The following RNGTT variants were observed in gnomAD, a reference collection of about 807,000 sequenced individuals.
RNGTT encodes RNA guanylyltransferase and 5'-phosphatase.
In RNGTT, 33 loss-of-function variants were observed where a neutral mutation model predicts 79.3. That is an observed-to-expected ratio of 0.42 (90% CI 0.32 to 0.56). The LOEUF (loss-of-function observed/expected upper bound fraction) is 0.56, where lower values mean the gene tolerates loss of function less well. Among genes scored for constraint, RNGTT ranks in the 20% least tolerant of loss-of-function variants. RNGTT has a pLI of 0.17. For missense variants in RNGTT, 497 were observed against 739.1 expected (o/e 0.67, Z 3.80); for synonymous variants, 222 against 235.9 (o/e 0.94, Z 0.54).
rs181108824 is a variant in RNGTT, at chr6:88,711,309, G to A, written c.1440-32890C>T. ...ACACCTTACCAAGAATTAGATACTA[G>A]TGAAGAGCTTAGTTCCAATCTTGAC... On this transcript the variant is annotated intron_variant, in intron 13 of 15. Coordinates refer to ENST00000369485, the MANE Select transcript of RNGTT (RefSeq NM_003800.5). 2.0e-3 allele frequency among the ~76,000 whole-genome samples: 309 copies of A among 152,256 alleles called. 1 individual carries two copies. Among genetic ancestry groups the A allele is most frequent in the African/African-American group, 7.3e-3 (302 of 41,554 alleles).
Position 88,612,574 on chromosome 6 carries a change from C to T in RNGTT, c.*145G>A, listed in dbSNP as rs553304199. 22 of 864,556 alleles carry T rather than the reference C, an allele frequency of 2.5e-5. No homozygotes were observed. The highest frequency in any genetic ancestry group is 1.7e-4 in the African/African-American group (10 of 58,928). 53.6% of individuals were successfully genotyped at this position (864,556 alleles called of 1,614,324 possible). ...GCATCAAGTATTTACAGGCTGGCTA[C>T]GATAACTTTCTTTTTTTAAAAAAAA... is the stretch of plus-strand genomic sequence containing the variant. On this transcript the variant is annotated 3_prime_UTR_variant, in exon 16 of 16. Transcript: ENST00000369485.
intron 12 of RNGTT, among the ~76,000 whole-genome samples, chr6:88,799,577 G>T (rs1050140634): frequency 1.3e-5 from 2 of 151,694 alleles, no homozygotes; most frequent in South Asian, 2.1e-4. Flanking sequence ...GTGCGCACCT[G>T]CAATCCCAGC....
intron 13 of RNGTT, among the ~76,000 whole-genome samples, chr6:88,722,362 A>T (rs1274879629): frequency 6.6e-6 from 1 of 152,118 alleles, no homozygotes. Context: ...CCACTCTAAA[A>T]CAAGAAAAAA....
At chr6:88,933,736 AATG>A (rs1784578747) in intron 2 of RNGTT, among the ~76,000 whole-genome samples, 1 of 151,868 alleles carries the variant, frequency 6.6e-6, no homozygotes, top group African/African-American at 2.4e-5. Context: ...TGTGCTGCAA[AATG>A]ATGATTTCAT....
At chr6:88,709,779 C>T (rs1776259707) in intron 13 of RNGTT, among the ~76,000 whole-genome samples, 1 of 152,178 alleles carries the variant, frequency 6.6e-6, no homozygotes, top group African/African-American at 2.4e-5. Context: ...TCAACAGCTA[C>T]ACATCATTAG....
intron 12 of RNGTT, among the ~76,000 whole-genome samples, chr6:88,780,280 G>A (rs972526108): frequency 2.0e-5 from 3 of 152,074 alleles, no homozygotes; most frequent in Non-Finnish European, 4.4e-5. Context: ...TGAAATATCT[G>A]AGATTATGAA....
chr6:88,899,285 C>G (rs189606555), intron 6 of RNGTT, among the ~76,000 whole-genome samples: 68 of 150,080 alleles, frequency 4.5e-4, no homozygotes, highest in African/African-American at 1.6e-3. Flanking sequence ...TTTTTTGAGA[C>G]AGCCTATCAC....
intron 14 of RNGTT, among the ~76,000 whole-genome samples, chr6:88,623,246 A>G (rs143350576): frequency 2.0e-3 from 310 of 152,270 alleles, no homozygotes; most frequent in Non-Finnish European, 3.3e-3. Flanking sequence ...TACAAAGGCA[A>G]TGCAATGGAA....
intron 11 of RNGTT, among the ~76,000 whole-genome samples, chr6:88,815,974 A>G (rs1244373230): frequency 6.6e-6 from 1 of 152,236 alleles, no homozygotes; most frequent in East Asian, 1.9e-4. Context: ...CTTTGTATCA[A>G]TTTTAAGCTA....
intron 14 of RNGTT, among the ~76,000 whole-genome samples, chr6:88,638,308 G>A (rs997503947): frequency 6.6e-6 from 1 of 152,070 alleles, no homozygotes; most frequent in African/African-American, 2.4e-5. Context: ...CTTTTTAGAC[G>A]TGATTGTCAT....
intron 14 of RNGTT, among the ~76,000 whole-genome samples, chr6:88,670,290 A>G (rs187927117): frequency 1.6e-4 from 24 of 152,364 alleles, no homozygotes; most frequent in Non-Finnish European, 3.2e-4. Context: ...TAATAGGAGT[A>G]ATAACAGTAT....
intron 1 of RNGTT, among the ~76,000 whole-genome samples, chr6:88,953,268 TAAAG>T (rs1330355752): frequency 6.6e-6 from 1 of 151,912 alleles, no homozygotes; most frequent in Non-Finnish European, 1.5e-5. Flanking sequence ...ATAGAGATCA[TAAAG>T]AAAAAACAAT....
chr6:88,791,665 G>A (rs1009632607), intron 12 of RNGTT, among the ~76,000 whole-genome samples: 4 of 151,986 alleles, frequency 2.6e-5, no homozygotes, highest in African/African-American at 9.7e-5. Flanking sequence ...TCAGCCTCCT[G>A]AGTAGCTGGG....
intron 10 of RNGTT, among the ~76,000 whole-genome samples, chr6:88,847,369 G>C (rs1202531976): frequency 6.6e-6 from 1 of 151,976 alleles, no homozygotes; most frequent in Non-Finnish European, 1.5e-5. Context: ...GAAAAAAAAA[G>C]ATGATTGATG....
intron 8 of RNGTT, among the ~76,000 whole-genome samples, chr6:88,885,815 C>T (rs956128177): frequency 2.6e-5 from 4 of 152,196 alleles, no homozygotes; most frequent in African/African-American, 9.6e-5. Context: ...TCAAAGTTAA[C>T]ATCATCACTA....
At chr6:88,829,663 C>G (rs562214219) in intron 11 of RNGTT, among the ~76,000 whole-genome samples, 11 of 140,318 alleles carry the variant, frequency 7.8e-5, no homozygotes, top group African/African-American at 2.6e-4. Context: ...CACACATAGG[C>G]TCAAAATAAA....
intron 6 of RNGTT, among the ~76,000 whole-genome samples, chr6:88,896,720 G>T (rs559062495): frequency 1.2e-4 from 18 of 152,198 alleles, no homozygotes; most frequent in African/African-American, 4.3e-4. Flanking sequence ...GTTATTTTCT[G>T]CTGTTTACAG....
intron 12 of RNGTT, among the ~76,000 whole-genome samples, chr6:88,794,389 A>G (rs1432200303): frequency 2.0e-5 from 3 of 152,232 alleles, no homozygotes; most frequent in African/African-American, 7.2e-5. Flanking sequence ...AAATACCTAT[A>G]AATTTAAAAG....
intron 13 of RNGTT, among the ~76,000 whole-genome samples, chr6:88,761,800 A>G (rs761405611): frequency 1.3e-5 from 2 of 152,102 alleles, no homozygotes; most frequent in Admixed American, 1.3e-4. Context: ...CCTTTCATAG[A>G]AAAAAAGTGC....
Sources: gnomAD v4.1 joint callset for allele counts (sites outside exome capture counted in the v4.1 genomes callset) on GRCh38, gnomAD v4.1.1 for gene constraint, MANE v1.5 for transcripts, NCBI Gene and HGNC (gene_info 2026-07-23, HGNC 2026-07-21) for gene names.